FRMD4A: variants seen among roughly 807,000 people sequenced by gnomAD.
The protein encoded by FRMD4A is FERM domain containing 4A, also known as FERM domain-containing protein 4A.
Under a neutral mutation model 129.1 loss-of-function variants are expected in FRMD4A, and 29 were observed. The ratio of observed to expected loss-of-function variants is 0.22; its 90% CI spans 0.17 to 0.31. FRMD4A has a LOEUF of 0.31. Among genes scored for constraint, FRMD4A ranks in the 10% least tolerant of loss-of-function variants. The probability of loss-of-function intolerance (pLI) is 1.00; values close to 1 mark genes in which losing one functional copy is unlikely to be tolerated. For synonymous variants in FRMD4A, 634 were observed against 571.6 expected (o/e 1.11, Z -1.56); for missense variants, 1,272 against 1,375.8 (o/e 0.92, Z 1.19).
intron 2 of FRMD4A, among the ~76,000 whole-genome samples, chr10:14,050,518 T>C (rs1430723773): frequency 6.6e-6 from 1 of 152,148 alleles, no homozygotes; most frequent in Non-Finnish European, 1.5e-5. Flanking sequence ...TTCTGTATGC[T>C]AGTAAGATTG....
chr10:14,223,036 G>A (rs1430736750), intron 2 of FRMD4A, among the ~76,000 whole-genome samples: 2 of 152,186 alleles, frequency 1.3e-5, no homozygotes, highest in Non-Finnish European at 2.9e-5. Context: ...GCAGTGCGCT[G>A]AGATTGCACC....
At chr10:13,861,037 G>A (rs1386158865) in intron 2 of FRMD4A, among the ~76,000 whole-genome samples, 4 of 152,198 alleles carry the variant, frequency 2.6e-5, no homozygotes, top group Non-Finnish European at 4.4e-5. Flanking sequence ...GAGAATGAGC[G>A]TCTCTGCAAA....
intron 2 of FRMD4A, among the ~76,000 whole-genome samples, chr10:13,982,970 C>T (rs888942943): frequency 6.6e-6 from 1 of 152,052 alleles, no homozygotes; most frequent in South Asian, 2.1e-4. Flanking sequence ...CTTTTAATTT[C>T]TTTTTTCTTT....
chr10:14,035,736 T>TA (rs1044544583), intron 2 of FRMD4A, among the ~76,000 whole-genome samples: 1 of 152,196 alleles, frequency 6.6e-6, no homozygotes, highest in Non-Finnish European at 1.5e-5. Flanking sequence ...CTCCAGTTTT[T>TA]ATCTCTAGTT....
chr10:13,987,551 A>G (rs973116269), intron 2 of FRMD4A, among the ~76,000 whole-genome samples: 6 of 152,192 alleles, frequency 3.9e-5, no homozygotes, highest in Admixed American at 6.5e-5. Context: ...AGCCAAGCTG[A>G]GACCCTGATC....
At chr10:14,129,264 A>G (rs911861816) in intron 2 of FRMD4A, among the ~76,000 whole-genome samples, 3 of 151,226 alleles carry the variant, frequency 2.0e-5, no homozygotes, top group African/African-American at 7.3e-5. Flanking sequence ...CAAGGCACAG[A>G]GACATTTTTT....
At chr10:14,126,798 T>C (rs1589031692) in intron 2 of FRMD4A, among the ~76,000 whole-genome samples, 2 of 152,212 alleles carry the variant, frequency 1.3e-5, no homozygotes, top group East Asian at 1.9e-4. Context: ...AGGAGAATAC[T>C]TCTTGGGGAG....
chr10:13,998,907 G>T (rs1456822435), intron 2 of FRMD4A, among the ~76,000 whole-genome samples: 3 of 152,076 alleles, frequency 2.0e-5, no homozygotes, highest in African/African-American at 7.2e-5. Flanking sequence ...ATCTTTTTCA[G>T]TCTTACCCAG....
intron 2 of FRMD4A, among the ~76,000 whole-genome samples, chr10:13,884,144 T>TCACCCACACACACACTCACCCACACA: frequency 9.5e-6 from 1 of 105,098 alleles, no homozygotes; most frequent in Non-Finnish European, 1.9e-5. Flanking sequence ...TCACACACAC[T>TCACCCACACACACACTCACCCACACA]CTCACACACT....
chr10:14,093,874 A>G (rs1836793414), intron 2 of FRMD4A, among the ~76,000 whole-genome samples: 2 of 152,180 alleles, frequency 1.3e-5, no homozygotes, highest in Non-Finnish European at 2.9e-5. Flanking sequence ...TTTCAAAAGC[A>G]GCCCTCTTTC....
intron 12 of FRMD4A, among the ~76,000 whole-genome samples, chr10:13,734,687 T>A (rs545634252): frequency 7.9e-5 from 12 of 152,254 alleles, no homozygotes; most frequent in African/African-American, 2.4e-4. Context: ...TCTTGAATCA[T>A]CCCCGACCCT....
intron 2 of FRMD4A, among the ~76,000 whole-genome samples, chr10:13,955,945 C>A (rs185143274): frequency 9.3e-4 from 141 of 152,288 alleles, no homozygotes; most frequent in African/African-American, 3.0e-3. Context: ...ATCGGTTATG[C>A]ATGTGAAAAA....
chr10:13,662,199 G>A (rs2082687810), intron 19 of FRMD4A, among the ~76,000 whole-genome samples: 2 of 152,186 alleles, frequency 1.3e-5, no homozygotes, highest in South Asian at 4.1e-4. Flanking sequence ...GATCTCTGAT[G>A]CTCAAGCCCC....
chr10:13,951,225 G>A (rs957732112), intron 2 of FRMD4A, among the ~76,000 whole-genome samples: 6 of 152,160 alleles, frequency 3.9e-5, no homozygotes, highest in African/African-American at 1.4e-4. Context: ...AGGGACAGCA[G>A]GAGCAGAGGT....
intron 2 of FRMD4A, among the ~76,000 whole-genome samples, chr10:13,984,027 G>A (rs1371527541): frequency 2.0e-5 from 3 of 151,608 alleles, no homozygotes; most frequent in Non-Finnish European, 4.4e-5. Context: ...TGGGAACCAC[G>A]GCTCCTCACT....
At chr10:14,152,723 C>T (rs1840402344) in intron 2 of FRMD4A, among the ~76,000 whole-genome samples, 1 of 152,040 alleles carries the variant, frequency 6.6e-6, no homozygotes, top group South Asian at 2.1e-4. Context: ...GTCTTTAGTC[C>T]CACCTACTCA....
chr10:13,888,869 T>C (rs1018331201), intron 2 of FRMD4A, among the ~76,000 whole-genome samples: 1 of 152,248 alleles, frequency 6.6e-6, no homozygotes, highest in Non-Finnish European at 1.5e-5. Flanking sequence ...GAACTAGGAA[T>C]TCTTCAAAAG....
At chr10:13,826,924 G>A (rs1201963427) in intron 3 of FRMD4A, among the ~76,000 whole-genome samples, 1 of 152,134 alleles carries the variant, frequency 6.6e-6, no homozygotes, top group Non-Finnish European at 1.5e-5. Context: ...AAACAGACAC[G>A]TGTCCTCGGG....
intron 2 of FRMD4A, among the ~76,000 whole-genome samples, chr10:14,311,356 G>T (rs1221218952): frequency 6.6e-6 from 1 of 152,128 alleles, no homozygotes; most frequent in African/African-American, 2.4e-5. Flanking sequence ...ACATAAGAAG[G>T]GTCACATTTT....
Sources: gnomAD v4.1 joint callset for allele counts (sites outside exome capture counted in the v4.1 genomes callset) on GRCh38, gnomAD v4.1.1 for gene constraint, MANE v1.5 for transcripts, NCBI Gene and HGNC (gene_info 2026-07-23, HGNC 2026-07-21) for gene names.